Variants in B3GALT1 observed in about 807,000 individuals in gnomAD.
B3GALT1 encodes beta-1,3-galactosyltransferase 1, also known as UDP-Gal:betaGlcNAc beta 1,3-galactosyltransferase, polypeptide 1.
A neutral mutation model predicts 23.2 loss-of-function variants in B3GALT1; 10 were observed. That is an observed-to-expected ratio of 0.43 (90% CI 0.27 to 0.73). The LOEUF is 0.73. Among genes scored for constraint, B3GALT1 ranks in the 30% least tolerant of loss-of-function variants. The pLI is 0.21. For synonymous variants in B3GALT1, 156 were observed against 141.5 expected, an observed-to-expected ratio of 1.10 and a Z score of -0.73; for missense variants, 299 against 405.4, an observed-to-expected ratio of 0.74 and a Z score of 2.25.
chr2:167,867,177 T>C (rs113469398), intron 4 of B3GALT1, among the ~76,000 whole-genome samples: 9,719 of 152,168 alleles, frequency 0.064, 409 homozygotes, highest in African/African-American at 0.11. Context: ...CCGCCCCCCT[T>C]GGCCTCCCAA....
At chr2:167,553,987 C>A (rs1168201915) in intron 2 of B3GALT1, among the ~76,000 whole-genome samples, 1 of 152,146 alleles carries the variant, frequency 6.6e-6, no homozygotes, top group Admixed American at 6.5e-5. Flanking sequence ...AGCATTTCAA[C>A]CGTACCTGAC....
chr2:167,588,010 T>A (rs555339493), intron 2 of B3GALT1, among the ~76,000 whole-genome samples: 1 of 152,320 alleles, frequency 6.6e-6, no homozygotes, highest in East Asian at 1.9e-4. Flanking sequence ...TACTGTTAAA[T>A]ATTTGAGAAC....
At chr2:167,600,039 C>A (rs1192448636) in intron 2 of B3GALT1, among the ~76,000 whole-genome samples, 1 of 152,190 alleles carries the variant, frequency 6.6e-6, no homozygotes. Flanking sequence ...TTATACATTA[C>A]CAATCTACTT....
rs186433943 is a variant in B3GALT1, at chr2:167,483,248, G to A, written c.-510-6929G>A. On this transcript the variant is annotated intron_variant, in intron 1 of 4. Coordinates refer to ENST00000392690, the MANE Select transcript of B3GALT1 (RefSeq NM_020981.4). Reference sequence around the variant, plus strand: ...ATGGAGGTTGTGGTGAGCTGAGATCGCGCCATTGCACTCCAGCCTGGGCAA... The same window carrying A: ...ATGGAGGTTGTGGTGAGCTGAGATCACGCCATTGCACTCCAGCCTGGGCAA... Among the ~76,000 whole-genome samples, 159 of 152,114 alleles carry A rather than the reference G, an allele frequency of 1.0e-3. 1 individual carries two copies. Among genetic ancestry groups the A allele is most frequent in the African/African-American group, 3.4e-3 (141 of 41,490 alleles).
intron 2 of B3GALT1, among the ~76,000 whole-genome samples, chr2:167,563,055 A>C (rs967878867): frequency 2.0e-5 from 3 of 151,886 alleles, no homozygotes; most frequent in Non-Finnish European, 4.4e-5. Flanking sequence ...ACCCCTTTCC[A>C]CACAGACACG....
At chr2:167,396,937 G>T (rs1450827376) in intron 1 of B3GALT1, among the ~76,000 whole-genome samples, 1 of 152,078 alleles carries the variant, frequency 6.6e-6, no homozygotes, top group East Asian at 1.9e-4. Context: ...CAGCATCCTT[G>T]TGGTATTACT....
intron 1 of B3GALT1, among the ~76,000 whole-genome samples, chr2:167,342,079 A>G (rs1697155630): frequency 1.3e-5 from 2 of 152,218 alleles, no homozygotes; most frequent in South Asian, 4.1e-4. Flanking sequence ...AATAACTAAA[A>G]TAATCACAGT....
chr2:167,444,037 A>G (rs180936584), intron 1 of B3GALT1, among the ~76,000 whole-genome samples: 1,806 of 152,234 alleles, frequency 0.012, 42 homozygotes, highest in African/African-American at 0.042. Flanking sequence ...TTTGAGATAC[A>G]TCCCATCAAT....
intron 1 of B3GALT1, among the ~76,000 whole-genome samples, chr2:167,339,556 G>A (rs1697115654): frequency 1.3e-5 from 2 of 152,012 alleles, no homozygotes; most frequent in African/African-American, 4.8e-5. Flanking sequence ...TATTAAGTTG[G>A]GGAACTGGTT....
In B3GALT1 at chr2:167,497,028, C is replaced by T. The variant is rs893625373; in HGVS notation, c.-410+6751C>T. Among the ~76,000 whole-genome samples, 4 of 151,940 alleles carry T rather than the reference C, an allele frequency of 2.6e-5. No individual in the cohort carries two copies. In the East Asian group the frequency reaches 7.7e-4, roughly 29 times the overall value. On this transcript the variant is annotated intron_variant, in intron 2 of 4. Coordinates refer to ENST00000392690, the MANE Select transcript of B3GALT1 (RefSeq NM_020981.4). ...ATGTAACAAACCTGCACGTTGTGCA[C>T]ATGTACCCTAAAACTTAAACTATAA...
At chr2:167,793,158 T>C (rs768016848) in intron 3 of B3GALT1, among the ~76,000 whole-genome samples, 12 of 152,174 alleles carry the variant, frequency 7.9e-5, no homozygotes, top group Non-Finnish European at 1.5e-4. Flanking sequence ...TTTCCCTCCA[T>C]CTTTTCACTC....
intron 3 of B3GALT1, among the ~76,000 whole-genome samples, chr2:167,716,926 G>A (rs1048420025): frequency 3.9e-5 from 6 of 152,108 alleles, no homozygotes; most frequent in Non-Finnish European, 8.8e-5. Flanking sequence ...TCCAGTCTGA[G>A]TGAAGTGTAG....
intron 3 of B3GALT1, among the ~76,000 whole-genome samples, chr2:167,663,883 T>G (rs1432037380): frequency 3.3e-5 from 5 of 151,972 alleles, no homozygotes; most frequent in Admixed American, 6.5e-5. Context: ...ATGAGTAGGT[T>G]GCGAAAATTT....
chr2:167,658,463 ACTT>A (rs1685995228), intron 3 of B3GALT1, among the ~76,000 whole-genome samples: 1 of 152,070 alleles, frequency 6.6e-6, no homozygotes, highest in Admixed American at 6.6e-5. Flanking sequence ...TTATAGAACA[ACTT>A]CATCATAATA....
At chr2:167,442,699 G>A (rs1272226014) in intron 1 of B3GALT1, among the ~76,000 whole-genome samples, 3 of 148,412 alleles carry the variant, frequency 2.0e-5, no homozygotes, top group East Asian at 1.9e-4. Context: ...GTCTGTTCAT[G>A]TCCTTCGCCC....
At chr2:167,512,596 A>ATATATATATATATG (rs1700034103) in intron 2 of B3GALT1, among the ~76,000 whole-genome samples, 4 of 75,328 alleles carry the variant, frequency 5.3e-5, no homozygotes, top group East Asian at 8.3e-4. Context: ...ATATATGTGT[A>ATATATATATATATG]TATATATATA....
intron 2 of B3GALT1, among the ~76,000 whole-genome samples, chr2:167,600,521 C>T (rs1050853998): frequency 2.6e-5 from 4 of 152,098 alleles, no homozygotes; most frequent in Non-Finnish European, 5.9e-5. Flanking sequence ...CCTTTGGTAC[C>T]GCTCCACCAT....
intron 3 of B3GALT1, among the ~76,000 whole-genome samples, chr2:167,809,555 A>G (rs1196030006): frequency 6.6e-6 from 1 of 152,172 alleles, no homozygotes; most frequent in Non-Finnish European, 1.5e-5. Flanking sequence ...TCTACTCCAG[A>G]CCCTGTTTGC....
chr2:167,561,198 A>G (rs1017131971), intron 2 of B3GALT1, among the ~76,000 whole-genome samples: 1 of 152,212 alleles, frequency 6.6e-6, no homozygotes, highest in African/African-American at 2.4e-5. Context: ...CTGCTCCTGA[A>G]TGACTATTGG....
Sources: gnomAD v4.1 joint callset for allele counts (sites outside exome capture counted in the v4.1 genomes callset) on GRCh38, gnomAD v4.1.1 for gene constraint, MANE v1.5 for transcripts, NCBI Gene and HGNC (gene_info 2026-07-23, HGNC 2026-07-21) for gene names.